CSF3R: variants seen among roughly 807,000 people sequenced by gnomAD.
The protein encoded by CSF3R is colony stimulating factor 3 receptor.
A neutral mutation model predicts 84.4 loss-of-function variants in CSF3R; 52 were observed. That is an observed-to-expected ratio of 0.62 (90% CI 0.49 to 0.78). The LOEUF is 0.78. CSF3R is among the 30% of genes least tolerant of loss of function. The pLI is 0.00. For missense variants in CSF3R, 890 were observed against 1,055.7 expected (o/e 0.84, Z 2.17); for synonymous variants, 384 against 429.1 (o/e 0.89, Z 1.30).
rs1250482876 is a variant in CSF3R, at chr1:36,473,906, A to G, written c.362-19T>C. Reference sequence around the variant, plus strand: ...GGAGGGTCTGCATGTGGGTGGGAAGAGTGTGAGGGCTTTGGGTGGGACCAC... The same window carrying G: ...GGAGGGTCTGCATGTGGGTGGGAAGGGTGTGAGGGCTTTGGGTGGGACCAC... On this transcript the variant is annotated intron_variant, in intron 4 of 16. Coordinates refer to ENST00000373106, the MANE Select transcript of CSF3R (RefSeq NM_000760.4). 1.9e-6 allele frequency: 3 copies of G among 1,613,468 alleles called. No individual in the cohort carries two copies. Among genetic ancestry groups the G allele is most frequent in the East Asian group, 2.2e-5 (1 of 44,878 alleles).
chr1:36,481,269 C>T (rs1321900367), intron 2 of CSF3R, among the ~76,000 whole-genome samples: 1 of 152,202 alleles, frequency 6.6e-6, no homozygotes, highest in Non-Finnish European at 1.5e-5. Context: ...CAAGAGGCCC[C>T]GGCATCCTTC....
At chr1:36,468,329 CAAGG>C in intron 12 of CSF3R, 108 bp from the exon 13 acceptor site, 8 of 1,164,732 alleles carry the variant, frequency 6.9e-6, no homozygotes, top group Non-Finnish European at 9.5e-6. Flanking sequence ...GAAAAGAGTC[CAAGG>C]GGACTCATGC....
chr1:36,473,720 C>T, intron 5 of CSF3R, 44 bp downstream of exon 5: 1 of 1,614,082 alleles, frequency 6.2e-7, no homozygotes, highest in Non-Finnish European at 8.5e-7. Flanking sequence ...ATGCCCTACC[C>T]CAGAATCCAA....
At chr1:36,482,328 T>C (rs181077756) in intron 1 of CSF3R, among the ~76,000 whole-genome samples, 1 of 150,240 alleles carries the variant, frequency 6.7e-6, no homozygotes, top group East Asian at 2.0e-4. Context: ...CTCGGAGGCC[T>C]GGAGCCCGGG....
At position 36,467,836 on chromosome 1, in the gene CSF3R, A is replaced by G. The variant is rs1391894249; in HGVS notation, c.1850T>C (p.Met617Thr). The G allele has an allele frequency of 1.2e-6, 2 of 1,614,272 alleles. No individual in the cohort carries two copies. Among genetic ancestry groups the G allele is most frequent in the Non-Finnish European group, 1.7e-6 (2 of 1,180,050 alleles). The change falls in exon 14 of 17, where the codon ATG (methionine) becomes ACG (threonine). Residue 617 changes from methionine to threonine, a missense_variant. Transcript: ENST00000373106. The surrounding 1 kb of genome is among the most constrained non-coding windows in gnomAD (Gnocchi z 4.1). The stretch of plus-strand genomic sequence containing the variant: ...TCTCCCCTTACCTGGGGTCAAGGTC[A>G]TCAGGGTGAGGACTGTACTGTTGGT... ...GATNSTVLTLMTLTPEGSELH... is the reference protein window; with the variant it reads ...GATNSTVLTLTTLTPEGSELH...
rs1323906000 is a variant in CSF3R at position 36,468,218 on chromosome 1, G to A, written c.1580C>T (p.Pro527Leu). The change falls in exon 13 of 17, where the codon CCC becomes CTC. Residue 527 changes from proline to leucine, a missense_variant. Coordinates refer to ENST00000373106, the MANE Select transcript of CSF3R (RefSeq NM_000760.4). ...HVYAYSQEMA[P>L]SHAPELHLKH... Reference sequence around the variant, plus strand: ...TAGATGCAGCTCTGGGGCATGGGAGGGAGCTATGGGAAGAGAGAGGTGCGG... The same window carrying A: ...TAGATGCAGCTCTGGGGCATGGGAGAGAGCTATGGGAAGAGAGAGGTGCGG... 21 of 1,580,666 alleles carry A rather than the reference G, an allele frequency of 1.3e-5. No individual in the cohort carries two copies. The highest frequency in any genetic ancestry group is 1.6e-5 in the Non-Finnish European group (19 of 1,162,850).
rs3917988 is a variant in CSF3R at position 36,469,716 on chromosome 1, C to T, written c.1410G>A (p.Ala470=). Residue 470 remains alanine, a synonymous_variant, in exon 11 of 17, where the codon GCG becomes GCA. Coordinates refer to ENST00000373106, the MANE Select transcript of CSF3R (RefSeq NM_000760.4). ...TCCTCCAGGTCTTGTTGCTATTGCT[C>T]GCGCTGGGGGGGCCCAGGCCCCACT... The part of the protein sequence containing the change: ...VIEWGLGPPS[A]SNSNKTWRME... 1.9e-3 allele frequency: 3,048 copies of T among 1,614,202 alleles called. 6 individuals are homozygous for T. Among genetic ancestry groups the T allele is most frequent in the Admixed American group, 2.4e-3 (142 of 60,028 alleles).
Position 36,471,133 on chromosome 1 carries a change from C to T in CSF3R, c.1285+300G>A, listed in dbSNP as rs1365652260. ...TGATCTCAGCTTGCTGCAACCTCTGCCTCCCAGGTTCAAGCAATTCTCCTG... is the reference window on the plus strand; with the variant it reads ...TGATCTCAGCTTGCTGCAACCTCTGTCTCCCAGGTTCAAGCAATTCTCCTG... On this transcript the variant is annotated intron_variant, in intron 10 of 16. Transcript: ENST00000373106. Among the ~76,000 whole-genome samples the T allele has an allele frequency of 4.6e-5, 7 of 152,190 alleles. No homozygotes were observed. In the East Asian group the frequency reaches 1.4e-3, roughly 29 times the overall value.
intron 9 of CSF3R, 62 bp from the exon 10 acceptor site, chr1:36,471,708 C>T: frequency 3.2e-6 from 5 of 1,546,794 alleles, no homozygotes; most frequent in Non-Finnish European, 4.5e-6. Flanking sequence ...CAAGGAGAGC[C>T]TCTAGGTGGG....
chr1:36,469,840 C>T lies in CSF3R; in HGVS notation c.1286G>A (p.Gly429Asp), dbSNP rs771331565. The T allele has an allele frequency of 1.2e-6, 2 of 1,613,926 alleles. No homozygotes were observed. The highest frequency in any genetic ancestry group is 1.7e-6 in the Non-Finnish European group (2 of 1,180,016). ...GGCATGGAGTCTGGTCAGAGCTGGG[C>T]CTGGAGACAGGGTGGGAAATGGTGG... ...PTPVVFSESRGPALTRLHAMA... is the reference protein window; with the variant it reads ...PTPVVFSESRDPALTRLHAMA... The change falls in exon 11 of 17, where the codon GGC becomes GAC. Residue 429 changes from glycine to aspartate, a missense_variant and splice_region_variant. Transcript: ENST00000373106.
chr1:36,467,396 TG>T lies in CSF3R; in HGVS notation c.1959-86del. On this transcript the variant is annotated intron_variant, in intron 15 of 16. Coordinates refer to ENST00000373106, the MANE Select transcript of CSF3R (RefSeq NM_000760.4). This position sits in a 1 kb window ranked among gnomAD's most constrained non-coding sequence, Gnocchi z 4.1. Reference sequence around the variant, plus strand: ...GTCCCACCCACCCCACCTGAAGAGGTGCAGCTGCCCTTAGTGCAGAGAGAAG... The same window carrying T: ...GTCCCACCCACCCCACCTGAAGAGGTCAGCTGCCCTTAGTGCAGAGAGAAG... 6.8e-7 allele frequency: 1 copy of T among 1,468,112 alleles called. No individual in the cohort carries two copies. Among genetic ancestry groups the T allele is most frequent in the South Asian group, 1.1e-5 (1 of 88,160 alleles). The allele number at this position is 1,468,112 out of a possible 1,614,324, so 90.9% of individuals were successfully genotyped here.
chr1:36,479,578 G>T, intron 2 of CSF3R, 62 bp from the exon 3 acceptor site: 1 of 1,302,966 alleles, frequency 7.7e-7, no homozygotes, highest in Non-Finnish European at 1.1e-6. Flanking sequence ...CTTAATCCTT[G>T]TCTGTCACTG....
In CSF3R at chr1:36,472,680, A is replaced by G; in HGVS notation, c.680T>C (p.Leu227Pro). 6.3e-7 allele frequency: 1 copy of G among 1,597,636 alleles called. No homozygotes were observed. Among genetic ancestry groups the G allele is most frequent in the Non-Finnish European group, 8.5e-7 (1 of 1,170,152 alleles). The change falls in exon 7 of 17, where the codon CTG (leucine) becomes CCG (proline). Residue 227 changes from leucine to proline, a missense_variant. Coordinates refer to ENST00000373106, the MANE Select transcript of CSF3R (RefSeq NM_000760.4). This position sits in a 1 kb window ranked among gnomAD's most constrained non-coding sequence, Gnocchi z 5.0. ...CATGGTCCGCAGCATGGGGGGCTCC[A>G]GTTTCACTGCAAGGAGTGGGGCTGT... ...LCLDPMDVVK[L>P]EPPMLRTMDP...
chr1:36,482,304 GC>G (rs1310106669), intron 1 of CSF3R, among the ~76,000 whole-genome samples: 2 of 107,252 alleles, frequency 1.9e-5, no homozygotes, highest in East Asian at 4.9e-4. Flanking sequence ...CAGAGAGTGG[GC>G]GGGGGGGGGG....
In CSF3R at chr1:36,469,714, CT is replaced by C. The variant is rs1650579277; in HGVS notation, c.1411del (p.Ser471AlafsTer20). Reference protein sequence around the residue: ...IEWGLGPPSASNSNKTWRMEQ... With the variant: ...IEWGLGPPSAXNSNKTWRMEQ... The stretch of plus-strand genomic sequence containing the variant: ...CATCCTCCAGGTCTTGTTGCTATTG[CT>C]CGCGCTGGGGGGGCCCAGGCCCCAC... On this transcript the variant is annotated frameshift_variant, in exon 11 of 17. Coordinates refer to ENST00000373106, the MANE Select transcript of CSF3R (RefSeq NM_000760.4). LOFTEE classifies it high-confidence loss of function. 1 of 1,614,096 alleles carries C rather than the reference CT, an allele frequency of 6.2e-7. No homozygotes were observed. Among genetic ancestry groups the C allele is most frequent in the African/African-American group, 1.3e-5 (1 of 74,934 alleles).
At chr1:36,469,869 G>A (rs1330255190) in intron 10 of CSF3R, 29 bp from the exon 11 acceptor site, 3 of 1,611,628 alleles carry the variant, frequency 1.9e-6, no homozygotes, top group Non-Finnish European at 2.5e-6. Flanking sequence ...ATGGTGGAAT[G>A]AAGGTGAAAA....
chr1:36,468,298 C>T, intron 12 of CSF3R, 77 bp from the exon 13 acceptor site: 1 of 1,453,268 alleles, frequency 6.9e-7, no homozygotes, highest in Admixed American at 2.4e-5. Flanking sequence ...TGTGGCTTCC[C>T]AGACACTGTG....
Position 36,466,293 on chromosome 1 carries a change from C to T in CSF3R, c.*64G>A. ...TTTTAGTCATGGGCTTATGGACCCT[C>T]CCCTCTTCTCCAGCTAGCTCAGGCC... On this transcript the variant is annotated 3_prime_UTR_variant, in exon 17 of 17. Transcript: ENST00000373106. This position sits in a 1 kb window ranked among gnomAD's most constrained non-coding sequence, Gnocchi z 4.6. 3 of 1,611,600 alleles carry T rather than the reference C, an allele frequency of 1.9e-6. 1 individual carries two copies. The South Asian group carries it at 3.3e-5, about 18-fold the overall frequency.
intron 3 of CSF3R, among the ~76,000 whole-genome samples, chr1:36,476,533 G>T (rs577174714): frequency 3.6e-4 from 54 of 152,066 alleles, no homozygotes; most frequent in African/African-American, 1.3e-3. Flanking sequence ...AGCTTATACC[G>T]GTCTCTCAGC....
Sources: gnomAD v4.1 joint callset for allele counts (sites outside exome capture counted in the v4.1 genomes callset) on GRCh38, gnomAD v4.1.1 for gene constraint, Gnocchi (gnomAD v3.1) non-coding constraint, MANE v1.5 for transcripts, NCBI Gene and HGNC (gene_info 2026-07-23, HGNC 2026-07-21) for gene names.